SH3BGRL: variants seen among roughly 807,000 people sequenced by gnomAD.
SH3BGRL encodes adapter SH3BGRL.
Under a neutral mutation model 9.8 loss-of-function variants are expected in SH3BGRL, and 7 were observed. The ratio of observed to expected loss-of-function variants is 0.72; its 90% CI spans 0.41 to 1.35. The LOEUF is 1.35. Ranked by LOEUF, SH3BGRL falls within the 40% of genes most tolerant of loss-of-function variation. The pLI, the probability that SH3BGRL is intolerant of heterozygous loss-of-function variation, is 0.01. For missense variants in SH3BGRL, 73 were observed against 84.4 expected (o/e 0.86, Z 0.53); for synonymous variants, 36 against 29.1 (o/e 1.24, Z -0.76).
In SH3BGRL at chrX:81,204,244, G is replaced by A. The variant is rs1602589372; in HGVS notation, c.45+1999G>A. 5.4e-5 allele frequency among the ~76,000 whole-genome samples: 6 copies of A among 112,005 alleles called. 1 individual carries two copies. The Admixed American group carries it at 5.7e-4, about 11-fold the overall frequency. On this transcript the variant is annotated intron_variant, in intron 1 of 3. Transcript: ENST00000373212. The stretch of plus-strand genomic sequence containing the variant: ...TGTTATCAAAATTCTACTTCATAAT[G>A]CCAAAATAAATCCTTGCTTTATTAT...
At chrX:81,244,266 G>A (rs182979651) in intron 1 of SH3BGRL, among the ~76,000 whole-genome samples, 52 of 111,677 alleles carry the variant, frequency 4.7e-4, no homozygotes, top group African/African-American at 1.7e-3. Flanking sequence ...GACAGATTAT[G>A]TTCATTTGGG....
intron 1 of SH3BGRL, among the ~76,000 whole-genome samples, chrX:81,260,196 G>A (rs1186298156): frequency 3.6e-5 from 4 of 111,772 alleles, no homozygotes; most frequent in Non-Finnish European, 5.7e-5. Context: ...GGCAGACAGT[G>A]TAATTAGCAT....
At chrX:81,268,961 C>T (rs1471496482) in intron 1 of SH3BGRL, among the ~76,000 whole-genome samples, 2 of 111,887 alleles carry the variant, frequency 1.8e-5, no homozygotes, top group African/African-American at 6.5e-5. Flanking sequence ...GAGCCCTTTG[C>T]CATTATGTAA....
At chrX:81,250,324 C>T (rs1234879963) in intron 1 of SH3BGRL, among the ~76,000 whole-genome samples, 4 of 108,005 alleles carry the variant, frequency 3.7e-5, no homozygotes, top group Non-Finnish European at 5.8e-5. Flanking sequence ...CGCTTGAACC[C>T]GGGAGGCAGA....
chrX:81,226,526 ATCTC>A (rs1205899554), intron 1 of SH3BGRL, among the ~76,000 whole-genome samples: 2 of 102,425 alleles, frequency 2.0e-5, no homozygotes, highest in African/African-American at 3.5e-5. Flanking sequence ...ATATATCTAT[ATCTC>A]TCTCTCTATA....
chrX:81,273,998 G>A (rs2075789492), intron 1 of SH3BGRL, among the ~76,000 whole-genome samples: 1 of 111,585 alleles, frequency 9.0e-6, no homozygotes. Flanking sequence ...TGAGGGGTGT[G>A]GTTTACTGTT....
intron 1 of SH3BGRL, among the ~76,000 whole-genome samples, chrX:81,211,625 C>T (rs1217487685): frequency 9.0e-6 from 1 of 111,227 alleles, no homozygotes; most frequent in Non-Finnish European, 1.9e-5. Context: ...AAGGCAGATC[C>T]ACCCTAAATC....
intron 3 of SH3BGRL, among the ~76,000 whole-genome samples, chrX:81,292,157 G>A (rs943566799): frequency 8.9e-6 from 1 of 112,042 alleles, no homozygotes; most frequent in African/African-American, 3.2e-5. Context: ...TCTCAGCACT[G>A]CCCCAGTAGA....
At chrX:81,204,600 A>C (rs939391379) in intron 1 of SH3BGRL, among the ~76,000 whole-genome samples, 14 of 111,180 alleles carry the variant, frequency 1.3e-4, no homozygotes, top group Admixed American at 6.7e-4. Flanking sequence ...TTAAAAAAAA[A>C]AACAACAGAT....
intron 3 of SH3BGRL, among the ~76,000 whole-genome samples, chrX:81,288,904 T>G (rs963038661): frequency 1.8e-5 from 2 of 111,587 alleles, no homozygotes; most frequent in African/African-American, 6.5e-5. Flanking sequence ...TCAATGACAT[T>G]CTTCACAGAA....
intron 3 of SH3BGRL, among the ~76,000 whole-genome samples, chrX:81,296,497 C>G (rs2147726454): frequency 9.0e-6 from 1 of 111,371 alleles, no homozygotes; most frequent in East Asian, 2.8e-4. Flanking sequence ...TACTGGGACT[C>G]ATTTGGACAG....
chrX:81,277,273 T>G, intron 2 of SH3BGRL, 104 bp downstream of exon 2: 17 of 631,762 alleles, frequency 2.7e-5, no homozygotes, highest in East Asian at 7.7e-5. Flanking sequence ...GTCATATCTC[T>G]TGCATATAGT....
At chrX:81,258,552 G>C (rs1459007222) in intron 1 of SH3BGRL, among the ~76,000 whole-genome samples, 1 of 112,350 alleles carries the variant, frequency 8.9e-6, no homozygotes, top group African/African-American at 3.2e-5. Flanking sequence ...TAGGAACTCT[G>C]TGATCACTGG....
chrX:81,202,182 C>G lies in SH3BGRL; in HGVS notation c.-19C>G, dbSNP rs1161104266. 2 of 1,207,617 alleles carry G rather than the reference C, an allele frequency of 1.7e-6. No individual in the cohort carries two copies. The highest frequency in any genetic ancestry group is 4.4e-5 in the Admixed American group (2 of 45,894). On this transcript the variant is annotated 5_prime_UTR_variant, in exon 1 of 4. Transcript: ENST00000373212. Reference sequence around the variant, plus strand: ...CAGCCCTTTTCAGGACCCAAACAACCGCAGCCGCTGTTCCCAGGATGGTGA... The same window carrying G: ...CAGCCCTTTTCAGGACCCAAACAACGGCAGCCGCTGTTCCCAGGATGGTGA...
rs189654641 is a variant in SH3BGRL, at chrX:81,256,749, T to A, written c.46-20235T>A. 2.1e-3 allele frequency among the ~76,000 whole-genome samples: 232 copies of A among 112,405 alleles called. 1 individual carries two copies. Among genetic ancestry groups the A allele is most frequent in the African/African-American group, 7.3e-3 (226 of 30,988 alleles). On this transcript the variant is annotated intron_variant, in intron 1 of 3. Coordinates refer to ENST00000373212, the MANE Select transcript of SH3BGRL (RefSeq NM_003022.3). ...ATTGCTTTCTTTAAACACTTTATCA[T>A]CCCTATTTGTTGTTTCTATTGATAT...
intron 1 of SH3BGRL, among the ~76,000 whole-genome samples, chrX:81,228,479 A>T (rs2075623658): frequency 8.9e-6 from 1 of 112,118 alleles, no homozygotes; most frequent in Non-Finnish European, 1.9e-5. Context: ...TTTCTCATGC[A>T]GATGAAGCCA....
intron 3 of SH3BGRL, among the ~76,000 whole-genome samples, chrX:81,291,960 C>G (rs1442087640): frequency 8.9e-6 from 1 of 112,266 alleles, no homozygotes; most frequent in Non-Finnish European, 1.9e-5. Flanking sequence ...TCCTGCAGCT[C>G]TGCAGGGTAC....
chrX:81,276,798 C>A, intron 1 of SH3BGRL, among the ~76,000 whole-genome samples, 186 bp from the exon 2 acceptor site: 1 of 110,926 alleles, frequency 9.0e-6, no homozygotes, highest in Middle Eastern at 4.7e-3. Context: ...GATAAAAGGA[C>A]CAGTGGACCA....
intron 1 of SH3BGRL, among the ~76,000 whole-genome samples, chrX:81,251,511 G>C (rs185794595): frequency 9.1e-6 from 1 of 110,435 alleles, no homozygotes; most frequent in African/African-American, 3.3e-5. Context: ...TGTTTAGTTT[G>C]AATCTCTGTT....
Sources: allele counts gnomAD v4.1 joint callset (sites outside exome capture counted in the v4.1 genomes callset), GRCh38; gene constraint gnomAD v4.1.1; transcripts MANE v1.5; gene names NCBI Gene and HGNC (gene_info 2026-07-23, HGNC 2026-07-21).